MPZL1: variants seen among roughly 807,000 people sequenced by gnomAD.
MPZL1 encodes the protein myelin protein zero like 1, also known as myelin protein zero-like protein 1.
MPZL1 carries 16 observed loss-of-function variants against 29.3 expected under a neutral mutation model. That is an observed-to-expected ratio of 0.55 (90% CI 0.37 to 0.83). MPZL1 has a LOEUF of 0.83. MPZL1 is among the 40% of genes least tolerant of loss of function. The pLI is 0.00. For missense variants in MPZL1, 279 were observed against 332.9 expected, an observed-to-expected ratio of 0.84 and a Z score of 1.26; for synonymous variants, 143 against 132.0, an observed-to-expected ratio of 1.08 and a Z score of -0.57.
intron 1 of MPZL1, among the ~76,000 whole-genome samples, chr1:167,741,475 G>C (rs1336775698): frequency 6.6e-6 from 1 of 151,342 alleles, no homozygotes; most frequent in Non-Finnish European, 1.5e-5. Context: ...ACAGGCACAC[G>C]CCACCACGCC....
intron 1 of MPZL1, among the ~76,000 whole-genome samples, chr1:167,762,583 G>A (rs181263864): frequency 1.5e-3 from 232 of 152,296 alleles, no homozygotes; most frequent in African/African-American, 5.4e-3. Context: ...GCCAAAACTC[G>A]GTGCTTGGCC....
intron 1 of MPZL1, among the ~76,000 whole-genome samples, chr1:167,731,309 A>G (rs769261934): frequency 1.2e-4 from 9 of 77,494 alleles, no homozygotes; most frequent in Non-Finnish European, 2.0e-4. Flanking sequence ...GGTGGCACAC[A>G]CCTGTTATCC....
chr1:167,765,679 C>T lies in MPZL1; in HGVS notation c.188C>T (p.Thr63Ile). The T allele has an allele frequency of 1.2e-6, 2 of 1,613,638 alleles. No homozygotes were observed. The highest frequency in any genetic ancestry group is 1.7e-6 in the Non-Finnish European group (2 of 1,179,728). Residue 63 changes from threonine to isoleucine, a missense_variant, in exon 2 of 6, where the codon ACT becomes ATT. Physicochemically the swap from Thr to Ile is moderately conservative, Grantham distance 89 (BLOSUM62 -1). Transcript: ENST00000359523. Reference protein sequence around the residue: ...QGKLTCKFKSTSTTGGLTSVS... With the variant: ...QGKLTCKFKSISTTGGLTSVS... ...AAGCTGACCTGCAAGTTCAAGTCTA[C>T]TAGTACGACTGGCGGGTTGACCTCA...
rs922913972 is a variant in MPZL1 at position 167,727,880 on chromosome 1, T to A, written c.91+5638T>A. Among the ~76,000 whole-genome samples, 6 of 151,116 alleles carry A rather than the reference T, an allele frequency of 4.0e-5. No homozygotes were observed. In the South Asian group the frequency reaches 1.0e-3, roughly 26 times the overall value. On this transcript the variant is annotated intron_variant, in intron 1 of 5. Transcript: ENST00000359523. ...CTTTTTTCTTTCTTTTCCTTTTTTT[T>A]TTTTTTGAGACAGAGTCTCGTTTTG...
chr1:167,722,288 C>A (rs1249620629), intron 1 of MPZL1, 46 bp downstream of exon 1: 1 of 1,232,936 alleles, frequency 8.1e-7, no homozygotes, highest in South Asian at 4.1e-5. Context: ...GTGGGGCCCC[C>A]GGGCCCGACA....
chr1:167,741,588 G>A (rs1029746327), intron 1 of MPZL1, among the ~76,000 whole-genome samples: 2 of 151,954 alleles, frequency 1.3e-5, no homozygotes, highest in African/African-American at 4.8e-5. Flanking sequence ...GCCTCCCAAA[G>A]TGTTGGGATT....
At chr1:167,744,512 T>C (rs909755295) in intron 1 of MPZL1, among the ~76,000 whole-genome samples, 9 of 151,692 alleles carry the variant, frequency 5.9e-5, no homozygotes, top group African/African-American at 2.2e-4. Context: ...GGCAAACCCC[T>C]GTCTCTACTA....
intron 1 of MPZL1, among the ~76,000 whole-genome samples, chr1:167,761,451 G>A (rs919747668): frequency 6.6e-6 from 1 of 152,160 alleles, no homozygotes; most frequent in Non-Finnish European, 1.5e-5. Flanking sequence ...CTACATAGGA[G>A]TGCAGGGAAA....
chr1:167,787,421 G>T (rs185851502), intron 5 of MPZL1, among the ~76,000 whole-genome samples: 30 of 152,276 alleles, frequency 2.0e-4, no homozygotes, highest in Non-Finnish European at 3.7e-4. Flanking sequence ...TGAAGCTCAT[G>T]ATTTCTGTGG....
At chr1:167,770,831 T>C (rs1301582280) in intron 2 of MPZL1, among the ~76,000 whole-genome samples, 2 of 152,128 alleles carry the variant, frequency 1.3e-5, no homozygotes, top group Non-Finnish European at 2.9e-5. Flanking sequence ...ATTTTGTCTT[T>C]TATAAAATTA....
intron 1 of MPZL1, among the ~76,000 whole-genome samples, chr1:167,730,325 C>T (rs139063095): frequency 1.3e-5 from 2 of 151,922 alleles, no homozygotes; most frequent in African/African-American, 4.8e-5. Flanking sequence ...ATGGCCCAGG[C>T]TGGAGTGCAG....
intron 1 of MPZL1, among the ~76,000 whole-genome samples, chr1:167,744,588 G>A (rs1325351816): frequency 6.6e-6 from 1 of 150,996 alleles, no homozygotes; most frequent in African/African-American, 2.4e-5. Context: ...GGAGGCTGAG[G>A]CAGGAGAAAC....
chr1:167,751,388 C>T (rs1332891680), intron 1 of MPZL1, among the ~76,000 whole-genome samples: 1 of 151,946 alleles, frequency 6.6e-6, no homozygotes, highest in Non-Finnish European at 1.5e-5. Flanking sequence ...TAAATGTATG[C>T]GCCGGGCGCG....
intron 5 of MPZL1, among the ~76,000 whole-genome samples, chr1:167,782,543 A>C (rs1474249248): frequency 1.3e-5 from 2 of 152,236 alleles, no homozygotes; most frequent in Non-Finnish European, 2.9e-5. Flanking sequence ...CTACCAACCC[A>C]GTGAGAAGAA....
chr1:167,764,185 G>A (rs971612912), intron 1 of MPZL1, among the ~76,000 whole-genome samples: 3 of 150,100 alleles, frequency 2.0e-5, no homozygotes, highest in Non-Finnish European at 4.5e-5. Flanking sequence ...GGCCAAATAA[G>A]TTTTTTTTTT....
chr1:167,737,496 C>T (rs1281374494), intron 1 of MPZL1, among the ~76,000 whole-genome samples: 2 of 152,156 alleles, frequency 1.3e-5, no homozygotes, highest in South Asian at 2.1e-4. Context: ...TTACAGTGAA[C>T]TTTATAAACG....
chr1:167,738,985 C>T (rs751414923), intron 1 of MPZL1, among the ~76,000 whole-genome samples: 5 of 151,868 alleles, frequency 3.3e-5, no homozygotes, highest in Admixed American at 6.6e-5. Context: ...CACTGTCACC[C>T]GGGCTGGAGT....
chr1:167,760,123 A>G (rs115894223), intron 1 of MPZL1, among the ~76,000 whole-genome samples: 20 of 152,318 alleles, frequency 1.3e-4, no homozygotes, highest in Admixed American at 3.9e-4. Context: ...TCCAGGTGAA[A>G]GATGACAGTG....
chr1:167,788,068 A>G lies in MPZL1; in HGVS notation c.*147A>G. On this transcript the variant is annotated 3_prime_UTR_variant, in exon 6 of 6. Coordinates refer to ENST00000359523, the MANE Select transcript of MPZL1 (RefSeq NM_003953.6). The stretch of plus-strand genomic sequence containing the variant: ...CACAGAGGGAGAGAAAGATGTGTAC[A>G]AAGGATATGTATAAATATTCTATTT... 1.6e-6 allele frequency: 1 copy of G among 625,208 alleles called. No individual in the cohort carries two copies. Among genetic ancestry groups the G allele is most frequent in the Non-Finnish European group, 2.9e-6 (1 of 341,684 alleles). 38.7% of individuals were successfully genotyped at this position (625,208 alleles called of 1,614,324 possible).
Sources: gnomAD v4.1 joint callset for allele counts (sites outside exome capture counted in the v4.1 genomes callset) on GRCh38, gnomAD v4.1.1 for gene constraint, MANE v1.5 for transcripts, NCBI Gene and HGNC (gene_info 2026-07-23, HGNC 2026-07-21) for gene names.